Variants in SPSB4 observed in about 807,000 individuals in gnomAD.
The protein encoded by SPSB4 is SPRY domain-containing SOCS box protein 4.
In SPSB4, 21 loss-of-function variants were observed where a neutral mutation model predicts 20.9. The observed-to-expected ratio is 1.01, with a 90% CI of 0.71 to 1.45. SPSB4 has a LOEUF of 1.45. Among genes scored for constraint, SPSB4 ranks in the 40% most tolerant of loss-of-function variants. The probability of loss-of-function intolerance (pLI) is 0.00; values close to 1 mark genes in which losing one functional copy is unlikely to be tolerated. For synonymous variants in SPSB4, 207 were observed against 183.8 expected (o/e 1.13, Z -1.02); for missense variants, 399 against 399.2 (o/e 1.00, Z 0.00).
intron 2 of SPSB4, among the ~76,000 whole-genome samples, chr3:141,129,993 T>C (rs1335747222): frequency 1.3e-5 from 2 of 152,208 alleles, no homozygotes; most frequent in Non-Finnish European, 2.9e-5. Flanking sequence ...CCAGCTGTAG[T>C]CACAACCCTT....
chr3:141,112,672 C>CAGA lies in SPSB4; in HGVS notation c.695-34467_695-34465dup, dbSNP rs905994356. On this transcript the variant is annotated intron_variant, in intron 2 of 2. Coordinates refer to ENST00000310546, the MANE Select transcript of SPSB4 (RefSeq NM_080862.3). ...AAAAAAAAAAAAAAAAAAAAAAAGACAGAAGGAATCTTGTTCAACTAAATT... is the reference window on the plus strand; with the variant it reads ...AAAAAAAAAAAAAAAAAAAAAAAGACAGAAGAAGGAATCTTGTTCAACTAAATT... Among the ~76,000 whole-genome samples, 8 of 122,456 alleles carry CAGA rather than the reference C, an allele frequency of 6.5e-5. No individual in the cohort carries two copies. In the South Asian group the frequency reaches 1.8e-3, roughly 28 times the overall value. 80.3% of individuals were successfully genotyped at this position (122,456 alleles called of 152,430 possible).
chr3:141,065,973 C>T lies in SPSB4; in HGVS notation c.-132C>T. 1.2e-6 allele frequency: 1 copy of T among 820,312 alleles called. No individual in the cohort carries two copies. Among genetic ancestry groups the T allele is most frequent in the East Asian group, 3.2e-5 (1 of 30,880 alleles). 50.8% of individuals were successfully genotyped at this position (820,312 alleles called of 1,614,324 possible). A position where few individuals can be genotyped will look rare whatever the true frequency, so the allele number is the denominator to read the frequency against. The stretch of plus-strand genomic sequence containing the variant: ...CCAGGAGCTTGGGCCCCTGCCGCAG[C>T]CCGGTAGAGGCTGTGGAGGTCTACC... On this transcript the variant is annotated 5_prime_UTR_variant, in exon 2 of 3. Coordinates refer to ENST00000310546, the MANE Select transcript of SPSB4 (RefSeq NM_080862.3).
chr3:141,121,262 GT>G (rs1452605093), intron 2 of SPSB4, among the ~76,000 whole-genome samples: 1 of 152,142 alleles, frequency 6.6e-6, no homozygotes, highest in Non-Finnish European at 1.5e-5. Flanking sequence ...TGGCTTGTAG[GT>G]TTTTGGCCAA....
At chr3:141,146,838 C>G (rs1014395086) in intron 2 of SPSB4, among the ~76,000 whole-genome samples, 1 of 151,352 alleles carries the variant, frequency 6.6e-6, no homozygotes, top group Non-Finnish European at 1.5e-5. Flanking sequence ...TTTCATGAAA[C>G]AATATTTATC....
intron 2 of SPSB4, among the ~76,000 whole-genome samples, chr3:141,136,071 A>G (rs1939222596): frequency 6.6e-6 from 1 of 151,854 alleles, no homozygotes; most frequent in Admixed American, 6.6e-5. Context: ...TGTGGTTTTG[A>G]TTTGCATTTC....
intron 2 of SPSB4, among the ~76,000 whole-genome samples, chr3:141,097,440 T>G (rs1263946268): frequency 6.6e-6 from 1 of 152,236 alleles, no homozygotes; most frequent in African/African-American, 2.4e-5. Context: ...TTGGTTTTTT[T>G]TGAGACAGGG....
intron 2 of SPSB4, among the ~76,000 whole-genome samples, chr3:141,145,736 A>T (rs1336854640): frequency 1.3e-5 from 2 of 152,164 alleles, no homozygotes; most frequent in African/African-American, 4.8e-5. Flanking sequence ...TGTACAAACC[A>T]TACCAGATGC....
At chr3:141,076,538 C>A (rs1938113504) in intron 2 of SPSB4, among the ~76,000 whole-genome samples, 1 of 152,240 alleles carries the variant, frequency 6.6e-6, no homozygotes, top group African/African-American at 2.4e-5. Context: ...TGCACAAAGG[C>A]TTGTCAGCAC....
chr3:141,105,990 G>A (rs1364243897), intron 2 of SPSB4, among the ~76,000 whole-genome samples: 1 of 152,166 alleles, frequency 6.6e-6, no homozygotes, highest in Non-Finnish European at 1.5e-5. Flanking sequence ...TTTGCATAAC[G>A]GGATGTAAAT....
intron 2 of SPSB4, among the ~76,000 whole-genome samples, chr3:141,111,869 G>A (rs560106121): frequency 2.0e-5 from 3 of 152,232 alleles, no homozygotes; most frequent in African/African-American, 7.2e-5. Flanking sequence ...TCAGGATCGT[G>A]GAACCCAAAA....
intron 1 of SPSB4, among the ~76,000 whole-genome samples, chr3:141,064,131 G>C (rs996653323): frequency 1.2e-4 from 19 of 152,378 alleles, no homozygotes; most frequent in African/African-American, 4.3e-4. Flanking sequence ...GGGAATGCCA[G>C]CTCCTGGCTG....
chr3:141,093,359 G>A (rs1938491509), intron 2 of SPSB4, among the ~76,000 whole-genome samples: 1 of 151,916 alleles, frequency 6.6e-6, no homozygotes. Context: ...AATCTGCAGA[G>A]TAGACCTTAG....
intron 2 of SPSB4, among the ~76,000 whole-genome samples, chr3:141,129,010 A>T (rs1227695860): frequency 6.6e-6 from 1 of 152,200 alleles, no homozygotes. Context: ...CACTGCACAC[A>T]TCCAAAAAGG....
At chr3:141,131,611 C>T (rs529532766) in intron 2 of SPSB4, among the ~76,000 whole-genome samples, 75 of 152,266 alleles carry the variant, frequency 4.9e-4, no homozygotes, top group African/African-American at 1.7e-3. Flanking sequence ...TACTTTTTCT[C>T]ACTCAAAGTT....
intron 1 of SPSB4, among the ~76,000 whole-genome samples, chr3:141,065,665 G>C (rs533004732): frequency 7.9e-5 from 12 of 152,184 alleles, no homozygotes; most frequent in Non-Finnish European, 1.8e-4. Flanking sequence ...GTGGGACTTC[G>C]GCTAATCGCT....
chr3:141,061,598 ATTAT>A (rs1937762456), intron 1 of SPSB4, among the ~76,000 whole-genome samples: 1 of 151,792 alleles, frequency 6.6e-6, no homozygotes, highest in African/African-American at 2.4e-5. Flanking sequence ...TTGATACATT[ATTAT>A]TAACTTATTT....
chr3:141,144,888 C>T (rs1316850645), intron 2 of SPSB4, among the ~76,000 whole-genome samples: 2 of 152,120 alleles, frequency 1.3e-5, no homozygotes, highest in Non-Finnish European at 1.5e-5. Flanking sequence ...TTAAGGTCTG[C>T]CAATGATTTT....
At chr3:141,071,958 A>G (rs543673340) in intron 2 of SPSB4, among the ~76,000 whole-genome samples, 3 of 152,338 alleles carry the variant, frequency 2.0e-5, no homozygotes, top group African/African-American at 4.8e-5. Context: ...CTACAAGGAC[A>G]CTGTCTCCTT....
chr3:141,134,203 G>T (rs1939188763), intron 2 of SPSB4, among the ~76,000 whole-genome samples: 1 of 151,630 alleles, frequency 6.6e-6, no homozygotes, highest in East Asian at 1.9e-4. Flanking sequence ...ATCAGATCAA[G>T]GAGCTTTTTA....
Sources: gnomAD v4.1 joint callset for allele counts (sites outside exome capture counted in the v4.1 genomes callset) on GRCh38, gnomAD v4.1.1 for gene constraint, MANE v1.5 for transcripts, NCBI Gene and HGNC (gene_info 2026-07-23, HGNC 2026-07-21) for gene names.